Variants in NAA38 observed in about 807,000 individuals in gnomAD.
NAA38 encodes LSM domain containing 1.
In NAA38, 15 loss-of-function variants were observed where a neutral mutation model predicts 12.6. The ratio of observed to expected loss-of-function variants is 1.19; its 90% CI spans 0.79 to 1.83. The LOEUF (loss-of-function observed/expected upper bound fraction) is 1.83, where lower values mean the gene tolerates loss of function less well. Ranked by LOEUF, NAA38 falls within the 40% of genes most tolerant of loss-of-function variation. The pLI is 0.00. For missense variants in NAA38, 183 were observed against 171.7 expected (o/e 1.07, Z -0.37); for synonymous variants, 88 against 69.9 (o/e 1.26, Z -1.29).
At chr17:7,869,722 C>G (rs752719540) in intron 2 of NAA38, among the ~76,000 whole-genome samples, 2 of 151,998 alleles carry the variant, frequency 1.3e-5, no homozygotes, top group African/African-American at 4.8e-5. Flanking sequence ...GAGATCACAC[C>G]ACTGCATTCC....
upstream of NAA38, chr17:7,859,164 T>C (rs2078862654): frequency 5.0e-6 from 3 of 601,570 alleles, no homozygotes; most frequent in East Asian, 8.3e-5. Context: ...GAGGGGACAG[T>C]TGACCCTTTA....
At position 7,884,695 on chromosome 17, in the gene NAA38, C is replaced by CGAGGAG. The variant is rs1273939480; in HGVS notation, c.-167+464_-167+469dup. 1.9e-3 allele frequency: 505 copies of CGAGGAG among 267,694 alleles called. 1 individual carries two copies. Among genetic ancestry groups the CGAGGAG allele is most frequent in the East Asian group, 0.011 (206 of 17,988 alleles). The allele number at this position is 267,694 out of a possible 1,614,324, so 16.6% of individuals were successfully genotyped here. ...GTGAGGAGGAGGAGGACGCCGCCGC[C>CGAGGAG]GAGGAGGAGGAGGAGGAGGAGGAGG... On this transcript the variant is annotated intron_variant, in intron 1 of 4. Transcript: ENST00000576861.
At chr17:7,876,085 T>C (rs1967170132) in intron 2 of NAA38, among the ~76,000 whole-genome samples, 1 of 152,218 alleles carries the variant, frequency 6.6e-6, no homozygotes, top group Non-Finnish European at 1.5e-5. Flanking sequence ...TGAATAATGC[T>C]TCTATGAATA....
intron 2 of NAA38, among the ~76,000 whole-genome samples, chr17:7,880,582 A>G (rs1967254739): frequency 6.6e-6 from 1 of 152,192 alleles, no homozygotes; most frequent in South Asian, 2.1e-4. Flanking sequence ...TAGGTCGACA[A>G]CCTAAAGGAT....
chr17:7,857,241 TGC>T, intron 1 of NAA38, 43 bp from the exon 2 acceptor site: 7 of 1,610,388 alleles, frequency 4.3e-6, no homozygotes, highest in Non-Finnish European at 5.9e-6. Flanking sequence ...CAGCCCAGGC[TGC>T]CCGCCCGCGG....
At chr17:7,878,109 G>A (rs1041440656) in intron 2 of NAA38, among the ~76,000 whole-genome samples, 1 of 151,786 alleles carries the variant, frequency 6.6e-6, no homozygotes, top group Non-Finnish European at 1.5e-5. Flanking sequence ...AAATTAGAAA[G>A]AAAAACATAA....
At chr17:7,884,709 AGG>A in intron 1 of NAA38, 1 of 280,458 alleles carries the variant, frequency 3.6e-6, no homozygotes, top group Non-Finnish European at 6.0e-6. Context: ...GAGGAGGAGG[AGG>A]AGGAGGAGGA....
chr17:7,864,083 A>T, intron 3 of NAA38: 1 of 152,264 alleles, frequency 6.6e-6, no homozygotes, highest in Non-Finnish European at 1.5e-5. Flanking sequence ...CCAGCACCAC[A>T]GCTAAGTTTA....
chr17:7,859,400 A>C (rs200735519), upstream of NAA38: 1,050 of 1,614,092 alleles, frequency 6.5e-4, 7 homozygotes, highest in East Asian at 1.1e-4. Flanking sequence ...TCTGGAGTCC[A>C]TATGGGAAAT....
chr17:7,869,369 A>G (rs1028340171), intron 2 of NAA38, among the ~76,000 whole-genome samples: 4 of 152,186 alleles, frequency 2.6e-5, no homozygotes, highest in Non-Finnish European at 5.9e-5. Flanking sequence ...GGATAACTTT[A>G]TTATTGACTC....
intron 2 of NAA38, 35 bp downstream of exon 2, chr17:7,856,980 A>C: frequency 6.3e-7 from 1 of 1,592,054 alleles, no homozygotes; most frequent in African/African-American, 1.3e-5. Context: ...GTTCCGCCAC[A>C]TTACCAGGCG....
At chr17:7,875,971 A>G (rs1967168322) in intron 2 of NAA38, among the ~76,000 whole-genome samples, 1 of 152,242 alleles carries the variant, frequency 6.6e-6, no homozygotes, top group Non-Finnish European at 1.5e-5. Context: ...ATGTATCAGT[A>G]TTCCATTCCT....
intron 3 of NAA38, among the ~76,000 whole-genome samples, chr17:7,866,297 A>T (rs1325462349): frequency 2.5e-5 from 3 of 122,282 alleles, no homozygotes; most frequent in Non-Finnish European, 5.0e-5. Context: ...TTTAGTAGAG[A>T]CGGGGTTTTA....
chr17:7,858,643 G>A (rs772123805), upstream of NAA38: 6 of 1,606,826 alleles, frequency 3.7e-6, no homozygotes, highest in Non-Finnish European at 5.1e-6. Context: ...GGCTGCCTGA[G>A]GTACTGCACC....
At chr17:7,884,071 A>AACACACAC (rs149257134) in intron 1 of NAA38, among the ~76,000 whole-genome samples, 3,553 of 148,612 alleles carry the variant, frequency 0.024, 84 homozygotes, top group African/African-American at 0.051. Context: ...ATGCCCCCCC[A>AACACACAC]ACACACACAC....
intron 1 of NAA38, 86 bp downstream of exon 1, chr17:7,857,297 A>C (rs547266220): frequency 6.2e-7 from 1 of 1,611,788 alleles, no homozygotes. Context: ...CACAAAGCCC[A>C]GAGGCTGCCG....
intron 2 of NAA38, among the ~76,000 whole-genome samples, chr17:7,869,533 G>A (rs1277020243): frequency 1.3e-5 from 2 of 152,152 alleles, no homozygotes; most frequent in Non-Finnish European, 2.9e-5. Context: ...AGGCCGAGGC[G>A]GGTGGATCAC....
At chr17:7,878,115 CAT>C (rs1967206991) in intron 2 of NAA38, among the ~76,000 whole-genome samples, 1 of 151,970 alleles carries the variant, frequency 6.6e-6, no homozygotes, top group East Asian at 1.9e-4. Context: ...GAAAGAAAAA[CAT>C]AATTACAGTA....
upstream of NAA38, chr17:7,858,020 C>T: frequency 1.3e-6 from 2 of 1,527,336 alleles, no homozygotes; most frequent in Non-Finnish European, 1.7e-6. Flanking sequence ...TCCATGTCAG[C>T]GGATAAACGC....
Sources: gnomAD v4.1 joint callset for allele counts (sites outside exome capture counted in the v4.1 genomes callset) on GRCh38, gnomAD v4.1.1 for gene constraint, MANE v1.5 for transcripts, NCBI Gene and HGNC (gene_info 2026-07-23, HGNC 2026-07-21) for gene names.